PCDHGA2: variants seen among roughly 807,000 people sequenced by gnomAD.
The protein encoded by PCDHGA2 is protocadherin gamma-A2.
Under a neutral mutation model 59.2 loss-of-function variants are expected in PCDHGA2, and 40 were observed. The observed-to-expected ratio is 0.68, with a 90% CI of 0.52 to 0.88. PCDHGA2 has a LOEUF of 0.88. PCDHGA2 is among the 40% of genes least tolerant of loss of function. The pLI is 0.00. For missense variants in PCDHGA2, 1,226 were observed against 1,204.0 expected (o/e 1.02, Z -0.27); for synonymous variants, 560 against 526.0 (o/e 1.06, Z -0.89).
At position 141,487,063 on chromosome 5, in the gene PCDHGA2, G is replaced by T; in HGVS notation, c.2425-7744G>T. The T allele has an allele frequency of 6.2e-7, 1 of 1,614,086 alleles. No homozygotes were observed. ...CTCGATATGCTGGGGAGGTGCGGACGGCTGTTCCTATCCCAGCTGACCTCC... is the reference window on the plus strand; with the variant it reads ...CTCGATATGCTGGGGAGGTGCGGACTGCTGTTCCTATCCCAGCTGACCTCC... On this transcript the variant is annotated intron_variant, in intron 1 of 3. Coordinates refer to ENST00000394576, the MANE Select transcript of PCDHGA2 (RefSeq NM_018915.4). The surrounding 1 kb of genome is among the most constrained non-coding windows in gnomAD (Gnocchi z 5.0).
chr5:141,341,382 A>G lies in PCDHGA2; in HGVS notation c.2411A>G (p.Glu804Gly). 1 of 1,614,242 alleles carries G rather than the reference A, an allele frequency of 6.2e-7. No homozygotes were observed. The highest frequency in any genetic ancestry group is 8.5e-7 in the Non-Finnish European group (1 of 1,180,046). Residue 804 changes from glutamate (E) to glycine (G), a missense_variant, in exon 1 of 4, where the codon GAA becomes GGA. By Grantham distance (98) the Glu-to-Gly change is moderately conservative (BLOSUM62 -2). Coordinates refer to ENST00000394576, the MANE Select transcript of PCDHGA2 (RefSeq NM_018915.4). ...PQSLLEEERE[E>G]TFSQQAPPNT... is the part of the protein sequence containing the mutation. ...TCTCTACTCGAAGAAGAAAGAGAAGAAACGTTTTCTCAGGTAATCTATCTT... is the reference window on the plus strand; with the variant it reads ...TCTCTACTCGAAGAAGAAAGAGAAGGAACGTTTTCTCAGGTAATCTATCTT...
At chr5:141,344,323 C>T in intron 1 of PCDHGA2, 6 of 1,614,032 alleles carry the variant, frequency 3.7e-6, no homozygotes, top group Non-Finnish European at 2.5e-6. Context: ...GAGCTCTGCG[C>T]TCAGATCCCG....
intron 1 of PCDHGA2, chr5:141,383,154 C>A: frequency 6.2e-7 from 1 of 1,614,112 alleles, no homozygotes; most frequent in South Asian, 1.1e-5. Context: ...GCAGCTTGGT[C>A]ACTGCGGGCA....
At chr5:141,369,788 C>G (rs187476843) in intron 1 of PCDHGA2, among the ~76,000 whole-genome samples, 1 of 152,338 alleles carries the variant, frequency 6.6e-6, no homozygotes, top group East Asian at 1.9e-4. Context: ...CCTCTTTATA[C>G]TACGTCTTCT....
chr5:141,489,238 G>A lies in PCDHGA2; in HGVS notation c.2425-5569G>A. On this transcript the variant is annotated intron_variant, in intron 1 of 3. Coordinates refer to ENST00000394576, the MANE Select transcript of PCDHGA2 (RefSeq NM_018915.4). The surrounding 1 kb of genome is among the most constrained non-coding windows in gnomAD (Gnocchi z 4.5). ...TTACTCTCCACAAAGGGACTTCTGG[G>A]TCATGGGGCCCAAGACACTCCCACA... 6.5e-7 allele frequency: 1 copy of A among 1,534,146 alleles called. No homozygotes were observed.
At chr5:141,472,805 G>C (rs2099297767) in intron 1 of PCDHGA2, among the ~76,000 whole-genome samples, 1 of 151,688 alleles carries the variant, frequency 6.6e-6, no homozygotes, top group African/African-American at 2.4e-5. Context: ...GACCAACATG[G>C]AGAAACCCCC....
intron 1 of PCDHGA2, chr5:141,362,450 C>T (rs766571642): frequency 1.2e-6 from 2 of 1,614,050 alleles, no homozygotes; most frequent in Non-Finnish European, 1.7e-6. Context: ...AACATAACCC[C>T]GGAATTGGTT....
At chr5:141,351,598 T>C in intron 1 of PCDHGA2, 1 of 1,614,046 alleles carries the variant, frequency 6.2e-7, no homozygotes. Flanking sequence ...ACAATGCACC[T>C]GTTTTCCATC....
At chr5:141,347,363 C>A (rs1757958155) in intron 1 of PCDHGA2, among the ~76,000 whole-genome samples, 1 of 151,942 alleles carries the variant, frequency 6.6e-6, no homozygotes, top group Non-Finnish European at 1.5e-5. Context: ...CTATGTTTCC[C>A]AGGCTGGTCT....
rs979093310 is a variant in PCDHGA2 at position 141,486,621 on chromosome 5, A to G, written c.2425-8186A>G. On this transcript the variant is annotated intron_variant, in intron 1 of 3. Transcript: ENST00000394576. This position sits in a 1 kb window ranked among gnomAD's most constrained non-coding sequence, Gnocchi z 5.0. The stretch of plus-strand genomic sequence containing the variant: ...TGCTCCCTTGCAGCCTCTGACCCAG[A>G]CTCTGGCTTGAATGCGCTTATCTCC... 6.2e-7 allele frequency: 1 copy of G among 1,613,388 alleles called. No individual in the cohort carries two copies. The highest frequency in any genetic ancestry group is 1.3e-5 in the African/African-American group (1 of 74,960).
In PCDHGA2 at chr5:141,385,021, G is replaced by A. The variant is rs556987681; in HGVS notation, c.2424+43626G>A. On this transcript the variant is annotated intron_variant, in intron 1 of 3. Coordinates refer to ENST00000394576, the MANE Select transcript of PCDHGA2 (RefSeq NM_018915.4). ...AGTCTCCTGCGTCTTCCTAGCCTTC[G>A]TCCTCGTACTGCTGGCGCTCAGGCT... 4.4e-5 allele frequency: 71 copies of A among 1,614,120 alleles called. No individual in the cohort carries two copies. The East Asian group carries it at 1.5e-3, about 35-fold the overall frequency.
chr5:141,364,350 G>C (rs1275891142), intron 1 of PCDHGA2: 2 of 1,550,364 alleles, frequency 1.3e-6, no homozygotes, highest in South Asian at 2.5e-5. Flanking sequence ...CCACCTAGGG[G>C]CTGGGGCTGC....
At chr5:141,345,913 G>C (rs771512073) in intron 1 of PCDHGA2, 1 of 1,613,248 alleles carries the variant, frequency 6.2e-7, no homozygotes, top group Admixed American at 1.7e-5. Flanking sequence ...GGCGAGGTGC[G>C]CACGGCGCGA....
At chr5:141,363,665 G>T (rs951901062) in intron 1 of PCDHGA2, among the ~76,000 whole-genome samples, 1 of 152,228 alleles carries the variant, frequency 6.6e-6, no homozygotes, top group African/African-American at 2.4e-5. Flanking sequence ...TATTTCTTCT[G>T]CATATGACAG....
intron 1 of PCDHGA2, chr5:141,422,463 C>G (rs1461108652): frequency 6.2e-7 from 1 of 1,613,472 alleles, no homozygotes; most frequent in Non-Finnish European, 8.5e-7. Flanking sequence ...GAGTGCTGGA[C>G]AGGGAGTTGG....
At chr5:141,361,105 C>G in intron 1 of PCDHGA2, 1 of 1,613,960 alleles carries the variant, frequency 6.2e-7, no homozygotes, top group South Asian at 1.1e-5. Flanking sequence ...AGCAAAAGAT[C>G]CTGGAGATCT....
At chr5:141,387,298 A>G (rs2090894771) in intron 1 of PCDHGA2, among the ~76,000 whole-genome samples, 1 of 152,244 alleles carries the variant, frequency 6.6e-6, no homozygotes, top group Admixed American at 6.5e-5. Context: ...AAATGTATCC[A>G]GTATATTTCT....
chr5:141,491,126 G>A lies in PCDHGA2; in HGVS notation c.2425-3681G>A, dbSNP rs768294944. 1.4e-5 allele frequency: 23 copies of A among 1,613,978 alleles called. No individual in the cohort carries two copies. In the East Asian group the frequency reaches 3.1e-4, roughly 22 times the overall value. On this transcript the variant is annotated intron_variant, in intron 1 of 3. Transcript: ENST00000394576. This position sits in a 1 kb window ranked among gnomAD's most constrained non-coding sequence, Gnocchi z 6.9. ...GTGTCTACACACACTGGTGAGGTGCGCACAGCCCGGGCCTTACTGGAGGAT... is the reference window on the plus strand; with the variant it reads ...GTGTCTACACACACTGGTGAGGTGCACACAGCCCGGGCCTTACTGGAGGAT...
At chr5:141,387,700 G>A (rs1303500403) in intron 1 of PCDHGA2, 1 of 933,942 alleles carries the variant, frequency 1.1e-6, no homozygotes, top group Non-Finnish European at 1.6e-6. Context: ...CGCTTTCCAG[G>A]GCAGCCCCAG....
Sources: gnomAD v4.1 joint callset for allele counts (sites outside exome capture counted in the v4.1 genomes callset) on GRCh38, gnomAD v4.1.1 for gene constraint, Gnocchi (gnomAD v3.1) non-coding constraint, MANE v1.5 for transcripts, NCBI Gene and HGNC (gene_info 2026-07-23, HGNC 2026-07-21) for gene names.